The following CNNM2 variants were observed in gnomAD, a reference collection of about 807,000 sequenced individuals.
CNNM2 encodes the protein metal transporter CNNM2.
A neutral mutation model predicts 66.9 loss-of-function variants in CNNM2; 12 were observed. The ratio of observed to expected loss-of-function variants is 0.18; its 90% CI spans 0.11 to 0.29. CNNM2 has a LOEUF of 0.29. Among genes scored for constraint, CNNM2 ranks in the 10% least tolerant of loss-of-function variants. The probability of loss-of-function intolerance (pLI) is 1.00; values close to 1 mark genes in which losing one functional copy is unlikely to be tolerated. For synonymous variants in CNNM2, 557 were observed against 501.8 expected (o/e 1.11, Z -1.47); for missense variants, 705 against 1,167.7 (o/e 0.60, Z 5.77).
At chr10:102,998,525 G>T (rs537807375) in intron 1 of CNNM2, among the ~76,000 whole-genome samples, 1 of 152,106 alleles carries the variant, frequency 6.6e-6, no homozygotes, top group Non-Finnish European at 1.5e-5. Flanking sequence ...TTGTCTCTGG[G>T]CAAGGTCTTT....
At chr10:102,946,267 A>C (rs997318309) in intron 1 of CNNM2, among the ~76,000 whole-genome samples, 8 of 152,222 alleles carry the variant, frequency 5.3e-5, no homozygotes, top group Non-Finnish European at 5.9e-5. Flanking sequence ...TTTTAGTTGC[A>C]GGGACCAATA....
chr10:102,944,357 C>T (rs1393517939), intron 1 of CNNM2, among the ~76,000 whole-genome samples: 2 of 152,102 alleles, frequency 1.3e-5, no homozygotes, highest in East Asian at 1.9e-4. Context: ...GGATTACAGG[C>T]GTGAGCCATC....
intron 1 of CNNM2, among the ~76,000 whole-genome samples, chr10:103,017,165 C>T (rs1258964890): frequency 1.3e-5 from 2 of 152,218 alleles, no homozygotes; most frequent in African/African-American, 2.4e-5. Context: ...TTACGCTGTT[C>T]GTCGTGTCTG....
At chr10:102,934,712 C>T (rs1846175256) in intron 1 of CNNM2, among the ~76,000 whole-genome samples, 1 of 152,132 alleles carries the variant, frequency 6.6e-6, no homozygotes, top group Non-Finnish European at 1.5e-5. Flanking sequence ...GGTGTTGTGG[C>T]ACGCACCTGT....
At chr10:102,923,634 G>A (rs1845738997) in intron 1 of CNNM2, among the ~76,000 whole-genome samples, 1 of 152,108 alleles carries the variant, frequency 6.6e-6, no homozygotes, top group Non-Finnish European at 1.5e-5. Flanking sequence ...CATATATATG[G>A]CTTTAAACCC....
chr10:103,090,028 C>G lies in CNNM2; in HGVS notation c.*12848C>G. ...ATTACATCTATAATGGACCACAGGA[C>G]AAGTCAATATAGACTTATCTTCATA... On this transcript the variant is annotated 3_prime_UTR_variant, in exon 8 of 8. Coordinates refer to ENST00000369878, the MANE Select transcript of CNNM2 (RefSeq NM_017649.5). 1.4e-6 allele frequency: 1 copy of G among 694,686 alleles called. No homozygotes were observed. Among genetic ancestry groups the G allele is most frequent in the Non-Finnish European group, 2.3e-6 (1 of 431,824 alleles). 43.0% of individuals were successfully genotyped at this position (694,686 alleles called of 1,614,324 possible). A position where few individuals can be genotyped will look rare whatever the true frequency, so the allele number is the denominator to read the frequency against.
chr10:102,969,371 G>T (rs543531607), intron 1 of CNNM2, among the ~76,000 whole-genome samples: 1 of 151,734 alleles, frequency 6.6e-6, no homozygotes, highest in African/African-American at 2.4e-5. Context: ...CTGCCACCAC[G>T]CCTAGCTAAT....
chr10:102,926,430 C>T (rs996947580), intron 1 of CNNM2, among the ~76,000 whole-genome samples: 14 of 152,244 alleles, frequency 9.2e-5, no homozygotes, highest in East Asian at 3.9e-4. Flanking sequence ...CATTCTTAAC[C>T]ATTGTGAGGG....
At position 103,015,852 on chromosome 10, in the gene CNNM2, C is replaced by CA. The variant is rs374708835; in HGVS notation, c.1622-33848dup. ...TGGGCAAGAGAGCAAGACTCCATCT[C>CA]AAAAAAACAACAACAAAAAACAAAC... On this transcript the variant is annotated intron_variant, in intron 1 of 7. Coordinates refer to ENST00000369878, the MANE Select transcript of CNNM2 (RefSeq NM_017649.5). Among the ~76,000 whole-genome samples, 233 of 151,900 alleles carry CA rather than the reference C, an allele frequency of 1.5e-3. 1 individual carries two copies. The highest frequency in any genetic ancestry group is 5.4e-3 in the African/African-American group (222 of 41,406).
chr10:103,005,247 A>G (rs186620438), intron 1 of CNNM2, among the ~76,000 whole-genome samples: 2 of 152,242 alleles, frequency 1.3e-5, no homozygotes, highest in African/African-American at 2.4e-5. Flanking sequence ...AGTTTTCTGT[A>G]TAGAGATTTT....
rs957408483 is a variant in CNNM2, at chr10:102,958,390, T to C, written c.1621+38289T>C. 3.3e-5 allele frequency among the ~76,000 whole-genome samples: 5 copies of C among 152,214 alleles called. No individual in the cohort carries two copies. In the East Asian group the frequency reaches 9.6e-4, roughly 29 times the overall value. On this transcript the variant is annotated intron_variant, in intron 1 of 7. Transcript: ENST00000369878. ...ACGGTTTTTGGTATGTCTTCATCTT[T>C]TAAAACCATCCTCTTTTCCAATATA...
At position 103,082,124 on chromosome 10, in the gene CNNM2, A is replaced by C. The variant is rs2065763100; in HGVS notation, c.*4944A>C. 1 of 152,268 alleles carries C rather than the reference A, an allele frequency of 6.6e-6. No individual in the cohort carries two copies. The highest frequency in any genetic ancestry group is 2.4e-5 in the African/African-American group (1 of 41,470). The allele number at this position is 152,268 out of a possible 1,614,324, so 9.4% of individuals were successfully genotyped here. A position where few individuals can be genotyped will look rare whatever the true frequency, so the allele number is the denominator to read the frequency against. On this transcript the variant is annotated 3_prime_UTR_variant, in exon 8 of 8. Transcript: ENST00000369878. ...CACAGATCCAACACATACTGTAAGA[A>C]AGACTTGAGTACACAAGGTTTTCAG... is the stretch of plus-strand genomic sequence containing the variant.
At chr10:103,033,541 C>T (rs1239811543) in intron 1 of CNNM2, among the ~76,000 whole-genome samples, 1 of 151,730 alleles carries the variant, frequency 6.6e-6, no homozygotes, top group Non-Finnish European at 1.5e-5. Context: ...AAAACATGTA[C>T]AAACAATTGT....
intron 2 of CNNM2, among the ~76,000 whole-genome samples, chr10:103,050,659 G>C (rs1328450015): frequency 6.6e-6 from 1 of 152,160 alleles, no homozygotes; most frequent in Non-Finnish European, 1.5e-5. Flanking sequence ...GCTTGCTGGG[G>C]CAGTGGGTCG....
chr10:102,985,811 G>T (rs1177440073), intron 1 of CNNM2, among the ~76,000 whole-genome samples: 2 of 152,326 alleles, frequency 1.3e-5, no homozygotes, highest in African/African-American at 4.8e-5. Context: ...ATTGGGAAAG[G>T]GGGGCCTTCT....
intron 1 of CNNM2, among the ~76,000 whole-genome samples, chr10:103,006,802 A>C (rs1227236131): frequency 6.6e-6 from 1 of 151,612 alleles, no homozygotes; most frequent in Admixed American, 6.6e-5. Context: ...AATTTTATTT[A>C]TTTATTCATT....
chr10:103,069,683 C>A (rs2065541205), intron 5 of CNNM2, among the ~76,000 whole-genome samples: 1 of 152,202 alleles, frequency 6.6e-6, no homozygotes, highest in Admixed American at 6.5e-5. Context: ...CAGATAGATA[C>A]CTGGTGGCTT....
At position 103,040,448 on chromosome 10, in the gene CNNM2, T is replaced by C. The variant is rs58700372; in HGVS notation, c.1622-9259T>C. On this transcript the variant is annotated intron_variant, in intron 1 of 7. Coordinates refer to ENST00000369878, the MANE Select transcript of CNNM2 (RefSeq NM_017649.5). ...GCAGTGTGGTGATGCCTTTGAGCCC[T>C]GCCCTAGGAACATTTTCTCCTTAAT... 0.1 allele frequency among the ~76,000 whole-genome samples: 15,867 copies of C among 152,044 alleles called. 845 individuals are homozygous for C. Among genetic ancestry groups the C allele is most frequent in the Middle Eastern group, 0.18 (52 of 294 alleles).
intron 4 of CNNM2, among the ~76,000 whole-genome samples, chr10:103,060,535 A>AC (rs1186294092): frequency 3.9e-5 from 6 of 152,202 alleles, no homozygotes; most frequent in Admixed American, 3.9e-4. Context: ...ACAGAGTGAG[A>AC]CCCCCATCTC....
Sources: allele counts gnomAD v4.1 joint callset (sites outside exome capture counted in the v4.1 genomes callset), GRCh38; gene constraint gnomAD v4.1.1; transcripts MANE v1.5; gene names NCBI Gene and HGNC (gene_info 2026-07-23, HGNC 2026-07-21).